RSU1: variants seen among roughly 807,000 people sequenced by gnomAD.
RSU1 encodes rsu-1.
Under a neutral mutation model 31.1 loss-of-function variants are expected in RSU1, and 26 were observed. That is an observed-to-expected ratio of 0.84 (90% CI 0.61 to 1.16). RSU1 has a LOEUF of 1.16. RSU1 is among the 50% of genes most tolerant of loss of function. The probability of loss-of-function intolerance (pLI) is 0.00; values close to 1 mark genes in which losing one functional copy is unlikely to be tolerated. For missense variants in RSU1, 320 were observed against 339.1 expected (o/e 0.94, Z 0.44); for synonymous variants, 164 against 136.3 (o/e 1.20, Z -1.41).
intron 4 of RSU1, among the ~76,000 whole-genome samples, chr10:16,763,305 C>A (rs558328948): frequency 6.6e-6 from 1 of 152,094 alleles, no homozygotes; most frequent in African/African-American, 2.4e-5. Context: ...GTGGTTCTAC[C>A]GGCTGTATAG....
At chr10:16,732,587 T>C (rs1836536713) in intron 7 of RSU1, among the ~76,000 whole-genome samples, 2 of 152,242 alleles carry the variant, frequency 1.3e-5, no homozygotes, top group South Asian at 2.1e-4. Context: ...AATAAATTTC[T>C]GCTGTCTAAG....
chr10:16,642,215 T>C (rs1006633982), intron 8 of RSU1, among the ~76,000 whole-genome samples: 7 of 150,882 alleles, frequency 4.6e-5, no homozygotes, highest in African/African-American at 1.7e-4. Flanking sequence ...AAAAAAACAG[T>C]GAGATGAGCT....
intron 8 of RSU1, among the ~76,000 whole-genome samples, chr10:16,690,558 T>G (rs1276224799): frequency 6.6e-6 from 1 of 152,060 alleles, no homozygotes; most frequent in Non-Finnish European, 1.5e-5. Context: ...TTCATGAAGC[T>G]AAGTCATCTC....
At chr10:16,641,588 C>T (rs1042185519) in intron 8 of RSU1, among the ~76,000 whole-genome samples, 1 of 152,116 alleles carries the variant, frequency 6.6e-6, no homozygotes, top group African/African-American at 2.4e-5. Context: ...TTAGGACAAG[C>T]ACACAGCCAG....
At chr10:16,702,772 A>G (rs1835819363) in intron 7 of RSU1, among the ~76,000 whole-genome samples, 1 of 152,142 alleles carries the variant, frequency 6.6e-6, no homozygotes, top group African/African-American at 2.4e-5. Context: ...TTAATGCTGG[A>G]ATGAGTTAAG....
In RSU1 at chr10:16,694,898, A is replaced by G. The variant is rs139210580; in HGVS notation, c.731+125T>C. Reference sequence around the variant, plus strand: ...CTGGCCGACATGCAGTTTTTAATAAAACATCTTAAAATGCTAAGTGCTAAC... The same window carrying G: ...CTGGCCGACATGCAGTTTTTAATAAGACATCTTAAAATGCTAAGTGCTAAC... On this transcript the variant is annotated intron_variant, in intron 8 of 8. Transcript: ENST00000345264. 1.8e-4 allele frequency: 162 copies of G among 902,632 alleles called. No homozygotes were observed. In the African/African-American group the frequency reaches 2.6e-3, roughly 15 times the overall value. 55.9% of individuals were successfully genotyped at this position (902,632 alleles called of 1,614,324 possible).
At chr10:16,778,179 A>AAG (rs1398690525) in intron 3 of RSU1, among the ~76,000 whole-genome samples, 3 of 151,670 alleles carry the variant, frequency 2.0e-5, no homozygotes, top group African/African-American at 7.3e-5. Flanking sequence ...TGTTTTTTTT[A>AAG]AGAGATGGGG....
intron 3 of RSU1, among the ~76,000 whole-genome samples, chr10:16,777,220 T>G (rs1022585372): frequency 6.6e-6 from 1 of 152,044 alleles, no homozygotes; most frequent in African/African-American, 2.4e-5. Flanking sequence ...TATTTTTGAA[T>G]TAAAATCTGG....
chr10:16,642,309 G>A (rs971862073), intron 8 of RSU1, among the ~76,000 whole-genome samples: 2 of 152,166 alleles, frequency 1.3e-5, no homozygotes, highest in African/African-American at 4.8e-5. Context: ...ATCCAGAGAA[G>A]CTGTAGAAAA....
At chr10:16,684,624 T>A (rs894606890) in intron 8 of RSU1, among the ~76,000 whole-genome samples, 1 of 152,112 alleles carries the variant, frequency 6.6e-6, no homozygotes. Flanking sequence ...CTTCCCTAAC[T>A]GCCCTCAGAA....
intron 8 of RSU1, among the ~76,000 whole-genome samples, chr10:16,681,756 G>A (rs1835331720): frequency 6.6e-6 from 1 of 152,058 alleles, no homozygotes; most frequent in African/African-American, 2.4e-5. Flanking sequence ...CCTCTAAGAT[G>A]AGTAATCTAA....
chr10:16,630,366 T>C (rs973139385), intron 8 of RSU1, among the ~76,000 whole-genome samples: 1 of 152,252 alleles, frequency 6.6e-6, no homozygotes, highest in Admixed American at 6.5e-5. Flanking sequence ...CTTTCTCCAC[T>C]AATATTTGAT....
At chr10:16,722,892 A>ATGTATATATACACACATATACATATATG (rs1836301889) in intron 7 of RSU1, among the ~76,000 whole-genome samples, 2 of 149,250 alleles carry the variant, frequency 1.3e-5, no homozygotes, top group Admixed American at 1.4e-4. Context: ...ATATACATAT[A>ATGTATATATACACACATATACATATATG]TGTATATATA....
chr10:16,757,557 A>G (rs191299499), intron 4 of RSU1, among the ~76,000 whole-genome samples: 13 of 152,362 alleles, frequency 8.5e-5, no homozygotes, highest in African/African-American at 3.1e-4. Context: ...TATGGCAAGG[A>G]CTTCGCTTGT....
intron 3 of RSU1, among the ~76,000 whole-genome samples, chr10:16,765,021 G>A (rs1416205951): frequency 6.6e-6 from 1 of 151,918 alleles, no homozygotes; most frequent in African/African-American, 2.4e-5. Context: ...GCACAAAAGA[G>A]AATTTCTGTA....
At chr10:16,657,405 A>C (rs775999627) in intron 8 of RSU1, among the ~76,000 whole-genome samples, 1 of 152,166 alleles carries the variant, frequency 6.6e-6, no homozygotes, top group African/African-American at 2.4e-5. Context: ...CTAAATACTG[A>C]AAGTTATTTG....
At chr10:16,793,411 A>G (rs983540370) in intron 2 of RSU1, among the ~76,000 whole-genome samples, 3 of 152,204 alleles carry the variant, frequency 2.0e-5, no homozygotes, top group African/African-American at 7.2e-5. Flanking sequence ...CAGCAAATTC[A>G]CCTATCTTGA....
chr10:16,753,852 G>A (rs1411915018), intron 5 of RSU1, among the ~76,000 whole-genome samples: 1 of 151,986 alleles, frequency 6.6e-6, no homozygotes, highest in Non-Finnish European at 1.5e-5. Context: ...CAAACTCCTG[G>A]CCTCAAGCAC....
At chr10:16,640,859 C>T (rs1025297584) in intron 8 of RSU1, among the ~76,000 whole-genome samples, 3 of 152,234 alleles carry the variant, frequency 2.0e-5, no homozygotes, top group Admixed American at 2.0e-4. Flanking sequence ...TCAGGCACCA[C>T]TGAATCCCTT....
Sources: gnomAD v4.1 joint callset for allele counts (sites outside exome capture counted in the v4.1 genomes callset) on GRCh38, gnomAD v4.1.1 for gene constraint, MANE v1.5 for transcripts, NCBI Gene and HGNC (gene_info 2026-07-23, HGNC 2026-07-21) for gene names.